The following ANKLE2 variants were observed in gnomAD, a reference collection of about 807,000 sequenced individuals.
ANKLE2 encodes the protein ankyrin repeat and LEM domain-containing protein 2.
Under a neutral mutation model 84.2 loss-of-function variants are expected in ANKLE2, and 55 were observed. The observed-to-expected ratio is 0.65, with a 90% CI of 0.53 to 0.82. ANKLE2 has a LOEUF of 0.82. ANKLE2 is among the 40% of genes least tolerant of loss of function. The pLI, the probability that ANKLE2 is intolerant of heterozygous loss-of-function variation, is 0.00. For synonymous variants in ANKLE2, 551 were observed against 486.1 expected (o/e 1.13, Z -1.76); for missense variants, 1,238 against 1,201.9 (o/e 1.03, Z -0.44).
At chr12:132,754,083 A>G (rs1480287064) in intron 2 of ANKLE2, among the ~76,000 whole-genome samples, 1 of 152,074 alleles carries the variant, frequency 6.6e-6, no homozygotes, top group African/African-American at 2.4e-5. Flanking sequence ...TCTACTAAAA[A>G]TACAAAAAAT....
chr12:132,731,403 T>C lies in ANKLE2; in HGVS notation c.1892-1133A>G, dbSNP rs1433931777. 4 of 140,362 alleles carry C rather than the reference T, an allele frequency of 2.8e-5. No individual in the cohort carries two copies. The Admixed American group carries it at 3.0e-4, about 10-fold the overall frequency. The allele number at this position is 140,362 out of a possible 1,614,324, so 8.7% of individuals were successfully genotyped here. A position where few individuals can be genotyped will look rare whatever the true frequency, so the allele number is the denominator to read the frequency against. On this transcript the variant is annotated intron_variant, in intron 10 of 12. Coordinates refer to ENST00000357997, the MANE Select transcript of ANKLE2 (RefSeq NM_015114.3). ...GTTGAAGATTCACTGCTTCTTAGTT[T>C]AATGTATGTCAATCATTTTCATTTT...
rs377038350 is a variant in ANKLE2, at chr12:132,732,424, G to A, written c.1891+1961C>T. Reference sequence around the variant, plus strand: ...ATACGCACCGTGTGAAGCTCTCTGCGTCCTGGTGTCTGATATGCACCGTGT... The same window carrying A: ...ATACGCACCGTGTGAAGCTCTCTGCATCCTGGTGTCTGATATGCACCGTGT... On this transcript the variant is annotated intron_variant, in intron 10 of 12. Coordinates refer to ENST00000357997, the MANE Select transcript of ANKLE2 (RefSeq NM_015114.3). 2.1e-4 allele frequency among the ~76,000 whole-genome samples: 27 copies of A among 127,572 alleles called. 1 individual carries two copies. The highest frequency in any genetic ancestry group is 7.9e-4 in the East Asian group (3 of 3,790). The allele number at this position is 127,572 out of a possible 152,430, so 83.7% of individuals were successfully genotyped here.
rs750076601 is a variant in ANKLE2 at position 132,727,339 on chromosome 12, G to A, written c.2720C>T (p.Pro907Leu). The A allele has an allele frequency of 1.3e-6, 2 of 1,562,396 alleles. No individual in the cohort carries two copies. The highest frequency in any genetic ancestry group is 3.8e-5 in the Admixed American group (2 of 52,666). Residue 907 changes from proline to leucine, a missense_variant, in exon 13 of 13, where the codon CCC (proline) becomes CTC (leucine). By Grantham distance (98) the Pro-to-Leu change is moderately conservative (BLOSUM62 -3). This residue lies in a region of ANKLE2 where 802 missense variants were observed against 774.5 expected (regional missense o/e 1.04). Coordinates refer to ENST00000357997, the MANE Select transcript of ANKLE2 (RefSeq NM_015114.3). ...PGRNSVAGSN[P>L]AKPGLGSPGR... ...AGGACTGCCCAGGCCTGGCTTTGCG[G>A]GGTTGCTTCCAGCCACGCTGTTTCT...
intron 10 of ANKLE2, chr12:132,731,044 G>C (rs973769220): frequency 6.6e-6 from 1 of 152,240 alleles, no homozygotes; most frequent in Non-Finnish European, 1.5e-5. Context: ...CTTTAGGTGT[G>C]AAGATAACAC....
chr12:132,734,087 AT>A (rs1221106251), intron 10 of ANKLE2: 9 of 492,590 alleles, frequency 1.8e-5, no homozygotes, highest in Non-Finnish European at 3.2e-5. Flanking sequence ...AAAAAAAAAA[AT>A]ACGAAAATTA....
intron 3 of ANKLE2, 35 bp downstream of exon 3, chr12:132,750,608 A>G: frequency 6.2e-7 from 1 of 1,608,514 alleles, no homozygotes. Flanking sequence ...TCAATGTGAC[A>G]GGAACATCAA....
intron 2 of ANKLE2, among the ~76,000 whole-genome samples, chr12:132,751,622 G>A (rs1002431842): frequency 4.8e-5 from 7 of 145,694 alleles, no homozygotes; most frequent in Non-Finnish European, 9.1e-5. Flanking sequence ...GGCTCACTGC[G>A]ACCATCATCT....
chr12:132,746,975 A>G (rs2044251056), intron 5 of ANKLE2, among the ~76,000 whole-genome samples: 1 of 152,158 alleles, frequency 6.6e-6, no homozygotes, highest in Non-Finnish European at 1.5e-5. Flanking sequence ...GAGAAGGAAA[A>G]GCCTGTCTTT....
intron 10 of ANKLE2, chr12:132,731,302 A>G (rs1400950993): frequency 1.3e-5 from 2 of 152,294 alleles, no homozygotes; most frequent in African/African-American, 4.8e-5. Context: ...CAGCAAGGTC[A>G]GACTTCAATG....
At chr12:132,733,982 C>T (rs1461991960) in intron 10 of ANKLE2, 1 of 459,220 alleles carries the variant, frequency 2.2e-6, no homozygotes, top group East Asian at 6.9e-5. Context: ...ACACACAACC[C>T]ATTTAACATT....
Position 132,747,862 on chromosome 12 carries a change from C to T in ANKLE2, c.1200G>A (p.Val400=), listed in dbSNP as rs925987692. 2 of 1,609,360 alleles carry T rather than the reference C, an allele frequency of 1.2e-6. No individual in the cohort carries two copies. Among genetic ancestry groups the T allele is most frequent in the Non-Finnish European group, 1.7e-6 (2 of 1,178,878 alleles). The part of the protein sequence containing the change: ...AMLQKRIRYV[V]DLYLNTPDKM... ...TGTCGGGGGTGTTGAGGTACAGGTC[C>T]ACCACGTAACGGATACGCTTCTGCA... Residue 400 remains valine, a synonymous_variant, in exon 5 of 13, where the codon GTG becomes GTA. Coordinates refer to ENST00000357997, the MANE Select transcript of ANKLE2 (RefSeq NM_015114.3).
At chr12:132,731,161 G>A (rs11147026) in intron 10 of ANKLE2, 46,941 of 152,132 alleles carry the variant, frequency 0.31, 8,619 homozygotes, top group Non-Finnish European at 0.41. Context: ...CTTGAGCTGT[G>A]GCTCCTGCTA....
chr12:132,742,690 T>C (rs1415848132), intron 6 of ANKLE2: 2 of 5,250 alleles, frequency 3.8e-4, no homozygotes, highest in African/African-American at 1.8e-3. Context: ...TTCAGCATCA[T>C]CATCCTTACC....
At chr12:132,752,368 T>A (rs150249099) in intron 2 of ANKLE2, among the ~76,000 whole-genome samples, 46 of 151,946 alleles carry the variant, frequency 3.0e-4, no homozygotes, top group African/African-American at 1.1e-3. Flanking sequence ...AAATAAATAA[T>A]AAAAATAAAA....
At chr12:132,751,551 G>T (rs1202700142) in intron 2 of ANKLE2, among the ~76,000 whole-genome samples, 2 of 149,320 alleles carry the variant, frequency 1.3e-5, no homozygotes, top group Non-Finnish European at 3.0e-5. Context: ...GGGAATGGCT[G>T]TTTTTTTTTG....
chr12:132,727,131 G>C lies in ANKLE2; in HGVS notation c.*111C>G. 1.8e-6 allele frequency: 2 copies of C among 1,119,590 alleles called. No homozygotes were observed. Among genetic ancestry groups the C allele is most frequent in the Non-Finnish European group, 2.4e-6 (2 of 819,752 alleles). 69.4% of individuals were successfully genotyped at this position (1,119,590 alleles called of 1,614,324 possible). ...CTTCTAAAATTCTCACACCCTCAAAGTGAGGAGTAATAATTTAATCAGAAT... is the reference window on the plus strand; with the variant it reads ...CTTCTAAAATTCTCACACCCTCAAACTGAGGAGTAATAATTTAATCAGAAT... On this transcript the variant is annotated 3_prime_UTR_variant, in exon 13 of 13. Coordinates refer to ENST00000357997, the MANE Select transcript of ANKLE2 (RefSeq NM_015114.3).
chr12:132,757,750 G>C (rs1167365590), intron 1 of ANKLE2: 1 of 152,308 alleles, frequency 6.6e-6, no homozygotes, highest in East Asian at 1.9e-4. Context: ...GTGAACCCAG[G>C]GGGCAGAACT....
At position 132,743,005 on chromosome 12, in the gene ANKLE2, A is replaced by C; in HGVS notation, c.1353+149T>G. 1 of 631,482 alleles carries C rather than the reference A, an allele frequency of 1.6e-6. No individual in the cohort carries two copies. The allele number at this position is 631,482 out of a possible 1,614,324, so 39.1% of individuals were successfully genotyped here. On this transcript the variant is annotated intron_variant, in intron 6 of 12. Transcript: ENST00000357997. This position sits in a 1 kb window ranked among gnomAD's most constrained non-coding sequence, Gnocchi z 4.1. ...CTTCTTCACAAAGTGCATCTTACTCAACAGCCAAGGTTCTAACATGTGCCC... is the reference window on the plus strand; with the variant it reads ...CTTCTTCACAAAGTGCATCTTACTCCACAGCCAAGGTTCTAACATGTGCCC...
In ANKLE2 at chr12:132,748,285, C is replaced by T. The variant is rs1376391205; in HGVS notation, c.894G>A (p.Ala298=). The change falls in exon 4 of 13, where the codon GCG becomes GCA. Residue 298 remains alanine, a synonymous_variant. Coordinates refer to ENST00000357997, the MANE Select transcript of ANKLE2 (RefSeq NM_015114.3). ...SESETVNKER[A]NSYKNPRTQD... ...GCGTGCGGGGATTTTTGTAACTGTT[C>T]GCTCGCTCTTTGTTGACTGTTTCTG... 1.9e-6 allele frequency: 3 copies of T among 1,614,166 alleles called. No individual in the cohort carries two copies. Among genetic ancestry groups the T allele is most frequent in the Non-Finnish European group, 2.5e-6 (3 of 1,180,040 alleles).
Sources: allele counts gnomAD v4.1 joint callset (sites outside exome capture counted in the v4.1 genomes callset), GRCh38; gene constraint gnomAD v4.1.1; regional missense constraint gnomAD v4.1.1; non-coding constraint Gnocchi (gnomAD v3.1); transcripts MANE v1.5; gene names NCBI Gene and HGNC (gene_info 2026-07-23, HGNC 2026-07-21).